Variants in EFNA5 observed in about 807,000 individuals in gnomAD.
The protein encoded by EFNA5 is ephrin A5.
In EFNA5, 5 loss-of-function variants were observed where a neutral mutation model predicts 22.9. The ratio of observed to expected loss-of-function variants is 0.22; its 90% CI spans 0.11 to 0.46. The LOEUF (loss-of-function observed/expected upper bound fraction) is 0.46. Ranked by LOEUF, EFNA5 falls within the 20% of genes least tolerant of loss-of-function variation. The probability of loss-of-function intolerance (pLI) is 0.99; values close to 1 mark genes in which losing one functional copy is unlikely to be tolerated. For missense variants in EFNA5, 237 were observed against 293.3 expected (o/e 0.81, Z 1.40); for synonymous variants, 113 against 112.2 (o/e 1.01, Z -0.04).
chr5:107,515,220 T>G (rs1747451541), intron 1 of EFNA5, among the ~76,000 whole-genome samples: 1 of 149,642 alleles, frequency 6.7e-6, no homozygotes, highest in African/African-American at 2.5e-5. Flanking sequence ...TATTTTTTAG[T>G]AGAGATGGGG....
At chr5:107,478,989 C>A (rs547344965) in intron 1 of EFNA5, among the ~76,000 whole-genome samples, 5 of 152,094 alleles carry the variant, frequency 3.3e-5, no homozygotes, top group Non-Finnish European at 7.4e-5. Context: ...ACCATTCATA[C>A]TGATTGAAAG....
intron 1 of EFNA5, among the ~76,000 whole-genome samples, chr5:107,446,598 C>T (rs1298560768): frequency 6.6e-6 from 1 of 151,652 alleles, no homozygotes; most frequent in Non-Finnish European, 1.5e-5. Flanking sequence ...ACTAAAAATA[C>T]AAAAAATTAG....
At chr5:107,551,857 T>C (rs1053454850) in intron 1 of EFNA5, among the ~76,000 whole-genome samples, 6 of 152,150 alleles carry the variant, frequency 3.9e-5, no homozygotes, top group Non-Finnish European at 5.9e-5. Context: ...TAGGACATGA[T>C]AATTCTTTTA....
intron 1 of EFNA5, among the ~76,000 whole-genome samples, chr5:107,644,238 C>T (rs982479029): frequency 2.0e-5 from 3 of 152,072 alleles, no homozygotes; most frequent in African/African-American, 7.2e-5. Context: ...CGTCGTCATC[C>T]TCCATTAGTG....
At chr5:107,543,127 C>T (rs757763286) in intron 1 of EFNA5, among the ~76,000 whole-genome samples, 14 of 152,214 alleles carry the variant, frequency 9.2e-5, no homozygotes, top group Non-Finnish European at 1.6e-4. Context: ...GGGTCTGCTC[C>T]AAGCCCTTCC....
chr5:107,471,720 T>C (rs1344575557), intron 1 of EFNA5, among the ~76,000 whole-genome samples: 1 of 152,214 alleles, frequency 6.6e-6, no homozygotes, highest in African/African-American at 2.4e-5. Flanking sequence ...GGCTGGACCA[T>C]GGATTGTGAT....
intron 1 of EFNA5, among the ~76,000 whole-genome samples, chr5:107,599,778 G>T (rs1749550064): frequency 6.6e-6 from 1 of 152,184 alleles, no homozygotes; most frequent in South Asian, 2.1e-4. Context: ...TATGCTTCTA[G>T]GAAAATCCTA....
At chr5:107,546,748 T>G (rs1254184091) in intron 1 of EFNA5, among the ~76,000 whole-genome samples, 3 of 152,050 alleles carry the variant, frequency 2.0e-5, no homozygotes, top group Non-Finnish European at 4.4e-5. Context: ...CCATGCATCT[T>G]AAATTTGCCA....
At chr5:107,568,252 C>A (rs1007659155) in intron 1 of EFNA5, among the ~76,000 whole-genome samples, 4 of 152,040 alleles carry the variant, frequency 2.6e-5, no homozygotes, top group Non-Finnish European at 5.9e-5. Flanking sequence ...CACATATATA[C>A]CCCGTAGCTA....
chr5:107,563,684 T>A (rs1172992960), intron 1 of EFNA5, among the ~76,000 whole-genome samples: 2 of 152,114 alleles, frequency 1.3e-5, no homozygotes, highest in African/African-American at 4.8e-5. Context: ...CAAGTGATCC[T>A]CCCACCTCAG....
intron 1 of EFNA5, among the ~76,000 whole-genome samples, chr5:107,590,255 T>C (rs933992689): frequency 5.3e-5 from 8 of 152,200 alleles, no homozygotes; most frequent in Admixed American, 3.9e-4. Flanking sequence ...TTCCTTCCTA[T>C]ATTCTAAACT....
At chr5:107,419,418 T>G (rs1029849241) in intron 2 of EFNA5, among the ~76,000 whole-genome samples, 1 of 152,196 alleles carries the variant, frequency 6.6e-6, no homozygotes, top group Non-Finnish European at 1.5e-5. Context: ...AGGACTATTT[T>G]CAAATAGAGA....
intron 1 of EFNA5, among the ~76,000 whole-genome samples, chr5:107,562,562 T>C (rs898493455): frequency 1.3e-5 from 2 of 151,990 alleles, no homozygotes; most frequent in African/African-American, 4.8e-5. Context: ...TCTAGCTTGG[T>C]CCCATGGCCC....
In EFNA5 at chr5:107,571,747, T is replaced by C. The variant is rs147561888; in HGVS notation, c.125+98742A>G. ...GGCAGGAACCAAAGGGCTGTCACCC[T>C]GACGAGAGAAAACAAAGCTCTGCAC... On this transcript the variant is annotated intron_variant, in intron 1 of 4. Transcript: ENST00000333274. Among the ~76,000 whole-genome samples, 366 of 152,274 alleles carry C rather than the reference T, an allele frequency of 2.4e-3. 1 individual carries two copies. The highest frequency in any genetic ancestry group is 6.8e-3 in the Middle Eastern group (2 of 294).
At chr5:107,537,586 C>T (rs1018120148) in intron 1 of EFNA5, among the ~76,000 whole-genome samples, 2 of 152,116 alleles carry the variant, frequency 1.3e-5, no homozygotes, top group East Asian at 1.9e-4. Flanking sequence ...GCCACAAGAG[C>T]GAAACTCCTT....
intron 1 of EFNA5, among the ~76,000 whole-genome samples, chr5:107,518,709 G>A (rs1747533715): frequency 6.6e-6 from 1 of 152,154 alleles, no homozygotes; most frequent in African/African-American, 2.4e-5. Flanking sequence ...CCTATGAGCT[G>A]CTGAAGATCA....
At chr5:107,511,755 A>T (rs1262573100) in intron 1 of EFNA5, among the ~76,000 whole-genome samples, 3 of 110,504 alleles carry the variant, frequency 2.7e-5, no homozygotes, top group Non-Finnish European at 4.4e-5. Context: ...AAACTATCAT[A>T]AAAAAAATAG....
At chr5:107,594,637 G>A (rs1749438652) in intron 1 of EFNA5, among the ~76,000 whole-genome samples, 1 of 152,192 alleles carries the variant, frequency 6.6e-6, no homozygotes, top group African/African-American at 2.4e-5. Context: ...AGTTGGTGGT[G>A]TGGAACTTCA....
chr5:107,434,133 T>C (rs1258630869), intron 1 of EFNA5, among the ~76,000 whole-genome samples: 4 of 152,324 alleles, frequency 2.6e-5, no homozygotes, highest in Middle Eastern at 3.4e-3. Context: ...CCTAAGTATT[T>C]CATTTTCAAA....
Sources: gnomAD v4.1 joint callset for allele counts (sites outside exome capture counted in the v4.1 genomes callset) on GRCh38, gnomAD v4.1.1 for gene constraint, MANE v1.5 for transcripts, NCBI Gene and HGNC (gene_info 2026-07-23, HGNC 2026-07-21) for gene names.